MIER1: variants seen among roughly 807,000 people sequenced by gnomAD.
The protein encoded by MIER1 is MIER1 transcriptional regulator.
MIER1 carries 40 observed loss-of-function variants against 75.7 expected under a neutral mutation model. The observed-to-expected ratio is 0.53, with a 90% CI of 0.41 to 0.69. The LOEUF (loss-of-function observed/expected upper bound fraction) is 0.69, where lower values mean the gene tolerates loss of function less well. Ranked by LOEUF, MIER1 falls within the 30% of genes least tolerant of loss-of-function variation. The pLI, the probability that MIER1 is intolerant of heterozygous loss-of-function variation, is 0.00. For synonymous variants in MIER1, 213 were observed against 223.4 expected, an observed-to-expected ratio of 0.95 and a Z score of 0.42; for missense variants, 574 against 680.2, an observed-to-expected ratio of 0.84 and a Z score of 1.74.
At chr1:66,935,740 T>A (rs945487521) in intron 2 of MIER1, among the ~76,000 whole-genome samples, 9 of 152,174 alleles carry the variant, frequency 5.9e-5, no homozygotes, top group African/African-American at 1.2e-4. Context: ...GGAAAAAAAA[T>A]TTATTCCATA....
rs746852518 is a variant in MIER1 at position 66,958,910 on chromosome 1, T to A, written c.561T>A (p.Asp187Glu). Residue 187 changes from aspartate to glutamate, a missense_variant, in exon 6 of 14, where the codon GAT becomes GAA. Transcript: ENST00000401041. ...QEDETQSSND[D>E]PSQSVASQDA... ...ATGAAACTCAGTCTTCCAATGATGA[T>A]CCATCACAATCTGTTGCTTCTCAAG... 1 of 1,611,766 alleles carries A rather than the reference T, an allele frequency of 6.2e-7. No homozygotes were observed. Among genetic ancestry groups the A allele is most frequent in the Admixed American group, 1.7e-5 (1 of 59,980 alleles).
intron 4 of MIER1, chr1:66,946,622 A>G (rs1218279033): frequency 9.9e-6 from 10 of 1,008,106 alleles, no homozygotes; most frequent in Non-Finnish European, 1.2e-5. Context: ...CCCAGTTACC[A>G]TATCTTTTAC....
intron 2 of MIER1, among the ~76,000 whole-genome samples, chr1:66,930,854 A>T (rs1653103899): frequency 6.6e-6 from 1 of 152,094 alleles, no homozygotes; most frequent in Non-Finnish European, 1.5e-5. Context: ...GGGAAAACGT[A>T]AGGCTGACGG....
chr1:66,974,694 CAAGGTAG>C (rs1416911080), intron 11 of MIER1, among the ~76,000 whole-genome samples: 7 of 152,050 alleles, frequency 4.6e-5, no homozygotes, highest in Non-Finnish European at 7.4e-5. Context: ...TTAAATGTTA[CAAGGTAG>C]AAGTCAGCTG....
chr1:66,936,913 T>C (rs4655659), intron 2 of MIER1, among the ~76,000 whole-genome samples: 116,930 of 149,178 alleles, frequency 0.78, 46,082 homozygotes, highest in East Asian at 0.88. Context: ...GCAGGGGAAT[T>C]GCTTGAACCC....
At chr1:66,946,628 TTTAC>T (rs1340692927) in intron 4 of MIER1, 2 of 1,005,000 alleles carry the variant, frequency 2.0e-6, no homozygotes, top group Non-Finnish European at 2.4e-6. Context: ...TACCATATCT[TTTAC>T]TTATTCTCCT....
intron 4 of MIER1, chr1:66,948,009 A>AT (rs1027612428): frequency 9.6e-5 from 93 of 972,270 alleles, no homozygotes; most frequent in South Asian, 2.9e-4. Context: ...TTTTATTTTT[A>AT]TTTTTTTTTA....
At chr1:66,976,783 T>C in intron 12 of MIER1, 61 bp downstream of exon 12, 1 of 1,346,434 alleles carries the variant, frequency 7.4e-7, no homozygotes, top group South Asian at 1.7e-5. Context: ...TCTAGATTTT[T>C]CTTGAGTTAA....
At position 66,985,676 on chromosome 1, in the gene MIER1, G is replaced by C. The variant is rs1297557885; in HGVS notation, c.*776G>C. 6.1e-6 allele frequency: 6 copies of C among 984,906 alleles called. No individual in the cohort carries two copies. The highest frequency in any genetic ancestry group is 7.2e-6 in the Non-Finnish European group (6 of 829,598). The allele number at this position is 984,906 out of a possible 1,614,324, so 61.0% of individuals were successfully genotyped here. Reference sequence around the variant, plus strand: ...ACTTGTACAGTTGGTAAACTTTTATGAGAGGAATTGTTATTCTGAGTCTGT... The same window carrying C: ...ACTTGTACAGTTGGTAAACTTTTATCAGAGGAATTGTTATTCTGAGTCTGT... On this transcript the variant is annotated 3_prime_UTR_variant, in exon 14 of 14. Coordinates refer to ENST00000401041, the MANE Select transcript of MIER1 (RefSeq NM_001077700.3).
chr1:66,953,686 C>G (rs1032114553), intron 4 of MIER1, among the ~76,000 whole-genome samples: 10 of 151,652 alleles, frequency 6.6e-5, no homozygotes, highest in African/African-American at 2.4e-4. Context: ...TCACTGCAGC[C>G]CCTGCCTCCT....
rs1660869116 is a variant in MIER1 at position 66,959,725 on chromosome 1, A to G, written c.681A>G (p.Pro227=). 1 of 1,429,464 alleles carries G rather than the reference A, an allele frequency of 7.0e-7. No individual in the cohort carries two copies. Among genetic ancestry groups the G allele is most frequent in the Non-Finnish European group, 9.4e-7 (1 of 1,068,688 alleles). 88.5% of individuals were successfully genotyped at this position (1,429,464 alleles called of 1,614,324 possible). A position where few individuals can be genotyped will look rare whatever the true frequency, so the allele number is the denominator to read the frequency against. ...EESEEDEDYI[P]SEDWKKEIMV... is the part of the protein sequence containing the mutation. ...CTGAAGAAGATGAAGATTATATTCC[A>G]TCAGAAGACTGGAAAAAGGTAGTTA... The change falls in exon 7 of 14, where the codon CCA becomes CCG. Residue 227 remains proline, a synonymous_variant. Coordinates refer to ENST00000401041, the MANE Select transcript of MIER1 (RefSeq NM_001077700.3).
At chr1:66,982,040 C>G in intron 13 of MIER1, 122 bp downstream of exon 13, 1 of 936,548 alleles carries the variant, frequency 1.1e-6, no homozygotes, top group Non-Finnish European at 1.6e-6. Flanking sequence ...AATGATAACA[C>G]ATGAGACAAA....
At chr1:66,978,829 A>T (rs1665292572) in intron 12 of MIER1, among the ~76,000 whole-genome samples, 1 of 152,182 alleles carries the variant, frequency 6.6e-6, no homozygotes, top group Non-Finnish European at 1.5e-5. Context: ...TGTCAAGATC[A>T]ACAGGTTAGG....
intron 11 of MIER1, among the ~76,000 whole-genome samples, chr1:66,973,542 T>C (rs1440152692): frequency 6.6e-6 from 1 of 152,116 alleles, no homozygotes; most frequent in Non-Finnish European, 1.5e-5. Context: ...TAATCATTTA[T>C]CATTTCATGT....
chr1:66,980,294 T>C (rs66643151), intron 12 of MIER1, among the ~76,000 whole-genome samples: 11,565 of 152,206 alleles, frequency 0.076, 550 homozygotes, highest in African/African-American at 0.13. Context: ...TCTATATAGA[T>C]TTATAGGTAT....
intron 11 of MIER1, among the ~76,000 whole-genome samples, chr1:66,975,574 A>G (rs1324617089): frequency 6.6e-6 from 1 of 152,106 alleles, no homozygotes; most frequent in African/African-American, 2.4e-5. Context: ...TTTTATTTAT[A>G]TACATCAGCC....
At chr1:66,928,639 G>A (rs1652385557) in intron 2 of MIER1, among the ~76,000 whole-genome samples, 1 of 152,108 alleles carries the variant, frequency 6.6e-6, no homozygotes, top group African/African-American at 2.4e-5. Flanking sequence ...GATATGAACT[G>A]ACACTTTTAA....
At chr1:66,966,630 G>A (rs1033547325) in intron 8 of MIER1, among the ~76,000 whole-genome samples, 6 of 152,190 alleles carry the variant, frequency 3.9e-5, no homozygotes, top group Non-Finnish European at 7.3e-5. Flanking sequence ...CACAATGGTT[G>A]AACTAGTTCA....
chr1:66,982,048 AAACAT>A, intron 13 of MIER1, 130 bp downstream of exon 13: 1 of 848,462 alleles, frequency 1.2e-6, no homozygotes, highest in South Asian at 1.7e-5. Flanking sequence ...CACATGAGAC[AAACAT>A]AACATCAGCA....
Sources: allele counts gnomAD v4.1 joint callset (sites outside exome capture counted in the v4.1 genomes callset), GRCh38; gene constraint gnomAD v4.1.1; transcripts MANE v1.5; gene names NCBI Gene and HGNC (gene_info 2026-07-23, HGNC 2026-07-21).